Variants in PTPN3 observed in about 807,000 individuals in gnomAD.
The protein encoded by PTPN3 is tyrosine-protein phosphatase non-receptor type 3.
A neutral mutation model predicts 132.7 loss-of-function variants in PTPN3; 96 were observed. That is an observed-to-expected ratio of 0.72 (90% CI 0.61 to 0.86). PTPN3 has a LOEUF of 0.86. Ranked by LOEUF, PTPN3 falls within the 40% of genes least tolerant of loss-of-function variation. The pLI is 0.00. For missense variants in PTPN3, 1,125 were observed against 1,159.6 expected (o/e 0.97, Z 0.43); for synonymous variants, 398 against 429.0 (o/e 0.93, Z 0.89).
At chr9:109,386,626 G>A (rs1220516151) in intron 22 of PTPN3, among the ~76,000 whole-genome samples, 2 of 152,118 alleles carry the variant, frequency 1.3e-5, no homozygotes, top group African/African-American at 4.8e-5. Flanking sequence ...AGGCAAGGAT[G>A]GATCATTCAG....
At chr9:109,406,005 C>G (rs971765723) in intron 18 of PTPN3, among the ~76,000 whole-genome samples, 3 of 152,218 alleles carry the variant, frequency 2.0e-5, no homozygotes, top group African/African-American at 7.2e-5. Context: ...TCCCCCAGCC[C>G]GCAGAGGCAG....
At chr9:109,460,980 G>A (rs1183151249) in intron 2 of PTPN3, among the ~76,000 whole-genome samples, 2 of 152,106 alleles carry the variant, frequency 1.3e-5, no homozygotes, top group Non-Finnish European at 2.9e-5. Context: ...GAGGATAAAC[G>A]GTTAAAGAAC....
Position 109,468,657 on chromosome 9 carries a change from C to T in PTPN3, c.-17-5206G>A, listed in dbSNP as rs188310361. Among the ~76,000 whole-genome samples, 65 of 152,358 alleles carry T rather than the reference C, an allele frequency of 4.3e-4. 2 individuals are homozygous for T. The East Asian group carries it at 0.011, about 27-fold the overall frequency. On this transcript the variant is annotated intron_variant, in intron 1 of 25. Coordinates refer to ENST00000374541, the MANE Select transcript of PTPN3 (RefSeq NM_002829.4). Reference sequence around the variant, plus strand: ...CTGGGATTACAGGCGTGAGCCACCGCGCCCGGCTGTGAATACAGTTTTTAA... The same window carrying T: ...CTGGGATTACAGGCGTGAGCCACCGTGCCCGGCTGTGAATACAGTTTTTAA...
At chr9:109,394,878 G>A (rs958692329) in intron 19 of PTPN3, among the ~76,000 whole-genome samples, 7 of 152,138 alleles carry the variant, frequency 4.6e-5, no homozygotes, top group African/African-American at 1.4e-4. Flanking sequence ...GGCAGCTCAC[G>A]CCTGTAATCC....
intron 13 of PTPN3, among the ~76,000 whole-genome samples, chr9:109,421,129 A>G (rs775271040): frequency 2.0e-5 from 3 of 152,216 alleles, no homozygotes; most frequent in Non-Finnish European, 2.9e-5. Context: ...ACACGTTTAT[A>G]TGCATTAGAT....
chr9:109,392,052 T>C (rs1334491633), intron 19 of PTPN3, among the ~76,000 whole-genome samples: 1 of 152,138 alleles, frequency 6.6e-6, no homozygotes, highest in African/African-American at 2.4e-5. Flanking sequence ...ATATAGTACA[T>C]TTCATTTACA....
chr9:109,406,408 C>T (rs1200686115), intron 18 of PTPN3, 54 bp downstream of exon 18: 26 of 1,573,436 alleles, frequency 1.7e-5, no homozygotes, highest in African/African-American at 4.0e-5. Context: ...CTGGAGCAGG[C>T]GCAGCTTGGC....
intron 12 of PTPN3, 35 bp downstream of exon 12, chr9:109,426,915 G>A (rs778715943): frequency 3.4e-5 from 54 of 1,566,230 alleles, no homozygotes; most frequent in South Asian, 2.9e-4. Context: ...TTACATCTCA[G>A]CCTAGTGTGG....
At chr9:109,520,992 T>C in the PTPN3 span, among the ~76,000 whole-genome samples, 3 of 152,288 alleles carry the variant, frequency 2.0e-5, no homozygotes, top group South Asian at 6.2e-4. Flanking sequence ...GCACGAGGCC[T>C]GGCATTACTC....
upstream of PTPN3, chr9:109,498,312 A>T (rs1847783444): frequency 6.8e-6 from 1 of 146,226 alleles, no homozygotes; most frequent in South Asian, 2.1e-4. This position sits in a 1 kb window ranked among gnomAD's most constrained non-coding sequence, Gnocchi z 4.2. Flanking sequence ...CCGTCTGAGC[A>T]TGCCCAGTGC....
chr9:109,533,754 A>C, the PTPN3 span: 1 of 1,403,054 alleles, frequency 7.1e-7, no homozygotes, highest in South Asian at 1.3e-5. Context: ...GAAGGTGGGA[A>C]CCTTCACCTG....
chr9:109,431,446 A>G (rs1157097713), intron 10 of PTPN3, among the ~76,000 whole-genome samples: 1 of 152,144 alleles, frequency 6.6e-6, no homozygotes, highest in East Asian at 1.9e-4. Flanking sequence ...CCGTATGCCC[A>G]TTGTGCCCTC....
At chr9:109,437,879 C>T (rs1404508648) in intron 8 of PTPN3, among the ~76,000 whole-genome samples, 1 of 152,158 alleles carries the variant, frequency 6.6e-6, no homozygotes, top group Non-Finnish European at 1.5e-5. Flanking sequence ...CAATGACATC[C>T]TGAAAAGGAC....
intron 18 of PTPN3, among the ~76,000 whole-genome samples, chr9:109,405,296 G>C (rs188334530): frequency 6.6e-6 from 1 of 152,344 alleles, no homozygotes; most frequent in Non-Finnish European, 1.5e-5. Flanking sequence ...GGTGGGGTCA[G>C]AGCTGGTCCT....
At chr9:109,459,611 G>A (rs768203662) in intron 2 of PTPN3, among the ~76,000 whole-genome samples, 16 of 152,122 alleles carry the variant, frequency 1.1e-4, no homozygotes, top group Admixed American at 1.3e-4. Context: ...GAGTGCAGTG[G>A]TACAATTAGC....
At chr9:109,393,054 C>T (rs955195564) in intron 19 of PTPN3, 1 of 152,218 alleles carries the variant, frequency 6.6e-6, no homozygotes, top group Non-Finnish European at 1.5e-5. Context: ...TCCTGCAATG[C>T]ATAATGCATA....
intron 1 of PTPN3, among the ~76,000 whole-genome samples, chr9:109,489,168 T>C (rs1200803687): frequency 6.6e-6 from 1 of 152,214 alleles, no homozygotes; most frequent in Admixed American, 6.5e-5. Context: ...TGTCCATCTA[T>C]CATAAACTCT....
At chr9:109,530,302 C>CCTGA in the PTPN3 span, among the ~76,000 whole-genome samples, 4 of 152,186 alleles carry the variant, frequency 2.6e-5, no homozygotes, top group Admixed American at 2.6e-4. Flanking sequence ...TGAACTTGAC[C>CCTGA]ACTCACATAA....
At chr9:109,478,115 C>T (rs1436498363) in intron 1 of PTPN3, among the ~76,000 whole-genome samples, 1 of 152,064 alleles carries the variant, frequency 6.6e-6, no homozygotes, top group Non-Finnish European at 1.5e-5. Context: ...AAGAAATAAC[C>T]CTGGGTGGCT....
Sources: allele counts gnomAD v4.1 joint callset (sites outside exome capture counted in the v4.1 genomes callset), GRCh38; gene constraint gnomAD v4.1.1; non-coding constraint Gnocchi (gnomAD v3.1); transcripts MANE v1.5; gene names NCBI Gene and HGNC (gene_info 2026-07-23, HGNC 2026-07-21).